The following CATSPER3 variants were observed in gnomAD, a reference collection of about 807,000 sequenced individuals.
The protein encoded by CATSPER3 is cation channel sperm associated 3.
CATSPER3 carries 23 observed loss-of-function variants against 36.6 expected under a neutral mutation model. The observed-to-expected ratio is 0.63, with a 90% CI of 0.45 to 0.89. The LOEUF is 0.89. Among genes scored for constraint, CATSPER3 ranks in the 40% least tolerant of loss-of-function variants. The pLI is 0.00. For synonymous variants in CATSPER3, 172 were observed against 184.1 expected, an observed-to-expected ratio of 0.93 and a Z score of 0.53; for missense variants, 474 against 503.9, an observed-to-expected ratio of 0.94 and a Z score of 0.57.
intron 2 of CATSPER3, among the ~76,000 whole-genome samples, chr5:134,980,721 G>A (rs539893070): frequency 9.2e-5 from 14 of 151,936 alleles, no homozygotes; most frequent in Middle Eastern, 3.4e-3. Context: ...GAGCCACCAC[G>A]CCTGGCCCCT....
chr5:134,990,169 T>C (rs184652180), intron 2 of CATSPER3, among the ~76,000 whole-genome samples: 1 of 152,262 alleles, frequency 6.6e-6, no homozygotes, highest in African/African-American at 2.4e-5. Context: ...AAAGTTTATT[T>C]TGCCAGGGTT....
intron 1 of CATSPER3, chr5:134,968,866 T>C (rs1429849245): frequency 6.6e-6 from 1 of 152,126 alleles, no homozygotes; most frequent in African/African-American, 2.4e-5. Context: ...ACCTATAACC[T>C]CACCATCCAT....
chr5:135,009,063 G>C (rs1335673198), intron 5 of CATSPER3, 82 bp downstream of exon 5: 3 of 1,578,674 alleles, frequency 1.9e-6, no homozygotes, highest in Middle Eastern at 1.7e-4. Flanking sequence ...GGAGGACCTG[G>C]AGCTGTGTAG....
intron 3 of CATSPER3, among the ~76,000 whole-genome samples, chr5:135,001,346 G>T (rs955314859): frequency 6.6e-6 from 1 of 152,212 alleles, no homozygotes; most frequent in Non-Finnish European, 1.5e-5. Context: ...TTGCTGAGGA[G>T]TGCTTTACTT....
intron 2 of CATSPER3, among the ~76,000 whole-genome samples, chr5:134,986,776 T>C (rs2149548566): frequency 6.6e-6 from 1 of 152,300 alleles, no homozygotes; most frequent in East Asian, 1.9e-4. Context: ...AGCATACTCT[T>C]AACTAATGGG....
intron 3 of CATSPER3, among the ~76,000 whole-genome samples, chr5:134,999,699 GCTCT>G (rs1347102229): frequency 2.0e-5 from 3 of 152,064 alleles, no homozygotes; most frequent in African/African-American, 7.2e-5. Flanking sequence ...TCATTATTTG[GCTCT>G]CTGTTTGTGT....
chr5:135,009,419 A>G lies in CATSPER3; in HGVS notation c.865A>G (p.Met289Val). 5 of 1,611,648 alleles carry G rather than the reference A, an allele frequency of 3.1e-6. No homozygotes were observed. Among genetic ancestry groups the G allele is most frequent in the Non-Finnish European group, 4.2e-6 (5 of 1,177,950 alleles). The change falls in exon 6 of 8, where the codon ATG becomes GTG. Residue 289 changes from methionine (M) to valine (V), a missense_variant. Met to Val is a conservative substitution (Grantham distance 21). Coordinates refer to ENST00000282611, the MANE Select transcript of CATSPER3 (RefSeq NM_178019.3). ...AGAGCTGATGTTGGAGCAGCAGGAGATGCTCATGGGAGAGAAGCAGGTGAT... is the reference window on the plus strand; with the variant it reads ...AGAGCTGATGTTGGAGCAGCAGGAGGTGCTCATGGGAGAGAAGCAGGTGAT... ...ERELMLEQQE[M>V]LMGEKQVILQ...
chr5:134,990,731 A>G (rs571553253), intron 2 of CATSPER3, among the ~76,000 whole-genome samples: 1 of 152,366 alleles, frequency 6.6e-6, no homozygotes, highest in Admixed American at 6.5e-5. Flanking sequence ...GGTTGCCACG[A>G]AAGTTAAATT....
rs552057802 is a variant in CATSPER3 at position 134,978,637 on chromosome 5, A to C, written c.252+8545A>C. Among the ~76,000 whole-genome samples, 17 of 152,308 alleles carry C rather than the reference A, an allele frequency of 1.1e-4. No individual in the cohort carries two copies. In the South Asian group the frequency reaches 2.7e-3, roughly 24 times the overall value. On this transcript the variant is annotated intron_variant, in intron 2 of 7. Coordinates refer to ENST00000282611, the MANE Select transcript of CATSPER3 (RefSeq NM_178019.3). Reference sequence around the variant, plus strand: ...ATGCAATAAAACAAGAAAAAGAAATAAACATGTAAAGACTGGAAAGGAAGA... The same window carrying C: ...ATGCAATAAAACAAGAAAAAGAAATCAACATGTAAAGACTGGAAAGGAAGA...
chr5:134,987,861 G>A (rs1283363535), intron 2 of CATSPER3, among the ~76,000 whole-genome samples: 3 of 152,100 alleles, frequency 2.0e-5, no homozygotes, highest in African/African-American at 7.2e-5. Flanking sequence ...TGAGAAAGAC[G>A]AAAAGCCTTC....
intron 2 of CATSPER3, among the ~76,000 whole-genome samples, chr5:134,977,279 T>C (rs1277864847): frequency 6.6e-6 from 1 of 152,138 alleles, no homozygotes; most frequent in Non-Finnish European, 1.5e-5. Context: ...ACCTCTCCTT[T>C]CCTCCCATAT....
At chr5:134,979,556 G>A (rs566846599) in intron 2 of CATSPER3, among the ~76,000 whole-genome samples, 2 of 152,282 alleles carry the variant, frequency 1.3e-5, no homozygotes, top group South Asian at 4.1e-4. Context: ...GCTATAGAGA[G>A]GGAATTTCTT....
chr5:134,977,152 TA>T (rs556087698), intron 2 of CATSPER3, among the ~76,000 whole-genome samples: 137 of 152,358 alleles, frequency 9.0e-4, no homozygotes, highest in African/African-American at 2.7e-3. Context: ...CATTGCTTCA[TA>T]GCCTGCTTGA....
chr5:135,010,581 G>A (rs772690944), intron 7 of CATSPER3, 51 bp downstream of exon 7: 31 of 1,540,484 alleles, frequency 2.0e-5, no homozygotes, highest in Admixed American at 3.3e-5. Context: ...CTCGAGGTTG[G>A]GCTGTGTCAG....
chr5:134,988,020 GAT>G (rs1029978068), intron 2 of CATSPER3, among the ~76,000 whole-genome samples: 3 of 152,200 alleles, frequency 2.0e-5, no homozygotes, highest in African/African-American at 7.2e-5. Context: ...ATATGCCTCA[GAT>G]ATTGTGGATT....
intron 2 of CATSPER3, among the ~76,000 whole-genome samples, chr5:134,989,762 G>A (rs543044514): frequency 1.4e-4 from 22 of 152,284 alleles, no homozygotes; most frequent in African/African-American, 5.3e-4. Flanking sequence ...GTGTTTACTG[G>A]AATAACTTTT....
intron 3 of CATSPER3, among the ~76,000 whole-genome samples, chr5:135,002,745 C>T (rs549150902): frequency 1.7e-3 from 266 of 152,296 alleles, no homozygotes; most frequent in African/African-American, 6.1e-3. Flanking sequence ...TTGATTGAAT[C>T]GGCTACTGAA....
In CATSPER3 at chr5:134,969,927, A is replaced by G. The variant is rs368208576; in HGVS notation, c.99-12A>G. Reference sequence around the variant, plus strand: ...GTGCTGTAACCATACTTCACATTCAACTTTTTGACAGGAGGAACGATGATG... The same window carrying G: ...GTGCTGTAACCATACTTCACATTCAGCTTTTTGACAGGAGGAACGATGATG... On this transcript the variant is annotated splice_polypyrimidine_tract_variant and intron_variant, in intron 1 of 7. Transcript: ENST00000282611. The G allele has an allele frequency of 1.9e-5, 31 of 1,614,004 alleles. No homozygotes were observed. The highest frequency in any genetic ancestry group is 2.5e-5 in the Non-Finnish European group (30 of 1,179,944).
intron 2 of CATSPER3, among the ~76,000 whole-genome samples, chr5:134,978,723 CTTT>C (rs751795550): frequency 3.5e-5 from 5 of 142,114 alleles, no homozygotes; most frequent in Admixed American, 7.1e-5. Flanking sequence ...GTTATATTTT[CTTT>C]TTTTTTTTTT....
Sources: gnomAD v4.1 joint callset for allele counts (sites outside exome capture counted in the v4.1 genomes callset) on GRCh38, gnomAD v4.1.1 for gene constraint, MANE v1.5 for transcripts, NCBI Gene and HGNC (gene_info 2026-07-23, HGNC 2026-07-21) for gene names.